The following RUBCN variants were observed in gnomAD, a reference collection of about 807,000 sequenced individuals.
RUBCN encodes run domain Beclin-1-interacting and cysteine-rich domain-containing protein.
A neutral mutation model predicts 113.2 loss-of-function variants in RUBCN; 74 were observed. That is an observed-to-expected ratio of 0.65 (90% CI 0.54 to 0.79). The LOEUF (loss-of-function observed/expected upper bound fraction) is 0.79. Among genes scored for constraint, RUBCN ranks in the 30% least tolerant of loss-of-function variants. The pLI, the probability that RUBCN is intolerant of heterozygous loss-of-function variation, is 0.00. For synonymous variants in RUBCN, 480 were observed against 490.0 expected, an observed-to-expected ratio of 0.98 and a Z score of 0.27; for missense variants, 1,109 against 1,251.7, an observed-to-expected ratio of 0.89 and a Z score of 1.72.
Position 197,695,766 on chromosome 3 carries a change from G to C in RUBCN, c.1473+100C>G, listed in dbSNP as rs1722931891. 9 of 1,070,116 alleles carry C rather than the reference G, an allele frequency of 8.4e-6. No homozygotes were observed. In the South Asian group the frequency reaches 1.1e-4, roughly 14 times the overall value. 66.3% of individuals were successfully genotyped at this position (1,070,116 alleles called of 1,614,324 possible). On this transcript the variant is annotated intron_variant, in intron 9 of 19. Transcript: ENST00000296343. Reference sequence around the variant, plus strand: ...CCTTTACCGTGAACTTATCTTTACTGTAATCTATACCCAAAACCTCATCAG... The same window carrying C: ...CCTTTACCGTGAACTTATCTTTACTCTAATCTATACCCAAAACCTCATCAG...
At chr3:197,692,990 C>G (rs1722593676) in intron 11 of RUBCN, among the ~76,000 whole-genome samples, 1 of 152,234 alleles carries the variant, frequency 6.6e-6, no homozygotes, top group Non-Finnish European at 1.5e-5. Flanking sequence ...CCATTCACTT[C>G]AGTAAGGAAA....
chr3:197,733,956 A>G (rs1031001185), intron 1 of RUBCN, among the ~76,000 whole-genome samples: 2 of 152,152 alleles, frequency 1.3e-5, no homozygotes, highest in African/African-American at 4.8e-5. Context: ...TAGGGTGAGT[A>G]TTAAAAGTAC....
At position 197,675,857 on chromosome 3, in the gene RUBCN, A is replaced by C. The variant is rs1419944170; in HGVS notation, c.2647-342T>G. Among the ~76,000 whole-genome samples the C allele has an allele frequency of 6.6e-6, 1 of 150,614 alleles. No homozygotes were observed. The highest frequency in any genetic ancestry group is 1.5e-5 in the Non-Finnish European group (1 of 67,332). Reference sequence around the variant, plus strand: ...TTATTTCAGAATAGGAACCACAAGCAATTAAGATAAAATGTGGAGACGAGG... The same window carrying C: ...TTATTTCAGAATAGGAACCACAAGCCATTAAGATAAAATGTGGAGACGAGG... On this transcript the variant is annotated intron_variant, in intron 18 of 19. Transcript: ENST00000296343. The surrounding 1 kb of genome is among the most constrained non-coding windows in gnomAD (Gnocchi z 4.4).
chr3:197,744,037 CT>C (rs1184912974), intron 1 of RUBCN, among the ~76,000 whole-genome samples: 1 of 151,014 alleles, frequency 6.6e-6, no homozygotes, highest in Non-Finnish European at 1.5e-5. Context: ...GTTATTATAC[CT>C]AATACATATT....
chr3:197,703,040 C>A (rs1247244395), intron 5 of RUBCN, among the ~76,000 whole-genome samples: 1 of 152,022 alleles, frequency 6.6e-6, no homozygotes, highest in Non-Finnish European at 1.5e-5. Flanking sequence ...ACTAAGCACA[C>A]GACCTAAGCC....
Position 197,693,801 on chromosome 3 carries a change from G to A in RUBCN, c.1700C>T (p.Ser567Phe), listed in dbSNP as rs555319774. 4 of 1,613,758 alleles carry A rather than the reference G, an allele frequency of 2.5e-6. No individual in the cohort carries two copies. In the East Asian group the frequency reaches 6.7e-5, roughly 27 times the overall value. ...EAEHGSFRVT[S>F]SSSQFSSRDS... ...ACGTGAGCTGAACTGGGAGCTGCTG[G>A]AGGTGACCCGAAAGCCTGTTATGTT... Residue 567 changes from serine to phenylalanine, a missense_variant, in exon 11 of 20, where the codon TCC becomes TTC. This residue lies in a region of RUBCN where 736 missense variants were observed against 779.6 expected (regional missense o/e 0.94). Coordinates refer to ENST00000296343, the MANE Select transcript of RUBCN (RefSeq NM_014687.4).
Position 197,718,013 on chromosome 3 carries a change from C to T in RUBCN, c.183G>A (p.Met61Ile), listed in dbSNP as rs377234121. The T allele has an allele frequency of 3.9e-5, 63 of 1,614,022 alleles. No homozygotes were observed. The Middle Eastern group carries it at 1.2e-3, about 30-fold the overall frequency. The change falls in exon 2 of 20, where the codon ATG (methionine) becomes ATA (isoleucine). Residue 61 changes from methionine to isoleucine, a missense_variant. Physicochemically the swap from Met to Ile is conservative, Grantham distance 10. Coordinates refer to ENST00000296343, the MANE Select transcript of RUBCN (RefSeq NM_014687.4). ...YGGLERLCRDMQSILYHGLIR... is the reference protein window; with the variant it reads ...YGGLERLCRDIQSILYHGLIR... ...TAAGCCCGTGATAGAGGATGCTCTGCATGTCCCTGCAAAGCCGCTCCAAGC... is the reference window on the plus strand; with the variant it reads ...TAAGCCCGTGATAGAGGATGCTCTGTATGTCCCTGCAAAGCCGCTCCAAGC...
chr3:197,721,277 C>T (rs896471470), intron 1 of RUBCN, among the ~76,000 whole-genome samples: 15 of 152,128 alleles, frequency 9.9e-5, no homozygotes, highest in Non-Finnish European at 5.9e-5. Context: ...ATTACCGATT[C>T]CATCTCATTA....
At chr3:197,687,896 CA>C (rs1722024946) in intron 11 of RUBCN, among the ~76,000 whole-genome samples, 1 of 152,206 alleles carries the variant, frequency 6.6e-6, no homozygotes, top group African/African-American at 2.4e-5. Flanking sequence ...CAGGGAACCC[CA>C]CCATCCAGCA....
rs1720481605 is a variant in RUBCN, at chr3:197,676,787, A to G, written c.2646+98T>C. On this transcript the variant is annotated intron_variant, in intron 18 of 19. Coordinates refer to ENST00000296343, the MANE Select transcript of RUBCN (RefSeq NM_014687.4). ...CTCCCAGTGCTGACTGGCCATTTCA[A>G]CTTCCTCAAGCTAAGTGGCAAGAAC... 6 of 1,599,964 alleles carry G rather than the reference A, an allele frequency of 3.8e-6. No homozygotes were observed. In the Admixed American group the frequency reaches 1.0e-4, roughly 27 times the overall value.
intron 3 of RUBCN, 74 bp from the exon 4 acceptor site, chr3:197,704,775 G>A: frequency 6.9e-7 from 1 of 1,442,510 alleles, no homozygotes; most frequent in Non-Finnish European, 9.7e-7. Context: ...AATGACCTGA[G>A]AACTAAATTG....
At chr3:197,723,903 T>C (rs1726443646) in intron 1 of RUBCN, among the ~76,000 whole-genome samples, 1 of 151,998 alleles carries the variant, frequency 6.6e-6, no homozygotes, top group Non-Finnish European at 1.5e-5. Flanking sequence ...GAGACCAACC[T>C]GACCAACATG....
In RUBCN at chr3:197,674,858, ACAC is replaced by A; in HGVS notation, c.*157_*159del. On this transcript the variant is annotated 3_prime_UTR_variant, in exon 20 of 20. Transcript: ENST00000296343. ...CATCAACCTGCCGACGGCTGACTGC[ACAC>A]AGACGTCAGACAAGTCAGTAAAAAA... is the stretch of plus-strand genomic sequence containing the variant. The A allele has an allele frequency of 1.6e-6, 1 of 619,614 alleles. No homozygotes were observed. Among genetic ancestry groups the A allele is most frequent in the South Asian group, 2.5e-5 (1 of 40,814 alleles). 38.4% of individuals were successfully genotyped at this position (619,614 alleles called of 1,614,324 possible).
chr3:197,699,150 A>T, intron 7 of RUBCN: 1 of 1,475,056 alleles, frequency 6.8e-7, no homozygotes, highest in Non-Finnish European at 9.3e-7. Context: ...TGGTCACAAA[A>T]CAGAACAAAG....
At chr3:197,706,063 T>A (rs1245205937) in intron 2 of RUBCN, among the ~76,000 whole-genome samples, 1 of 152,224 alleles carries the variant, frequency 6.6e-6, no homozygotes, top group Non-Finnish European at 1.5e-5. Flanking sequence ...TCTACCGTTC[T>A]GTTTTCTAAA....
At chr3:197,739,104 C>T (rs1728392299), upstream of RUBCN, among the ~76,000 whole-genome samples, 1 of 151,522 alleles carries the variant, frequency 6.6e-6, no homozygotes, top group Non-Finnish European at 1.5e-5. Flanking sequence ...CCACGCCCGG[C>T]TAATTTTGTA....
intron 2 of RUBCN, among the ~76,000 whole-genome samples, chr3:197,712,916 A>G (rs951999817): frequency 9.9e-5 from 15 of 150,918 alleles, no homozygotes; most frequent in African/African-American, 3.7e-4. Context: ...CTGGAGTGCA[A>G]TGGTGCAATC....
intron 1 of RUBCN, among the ~76,000 whole-genome samples, chr3:197,747,595 A>C (rs529951525): frequency 1.3e-5 from 2 of 152,210 alleles, no homozygotes; most frequent in African/African-American, 4.8e-5. Context: ...AAATACCTGA[A>C]GTACAAAATG....
chr3:197,703,270 C>T (rs1004879962), intron 5 of RUBCN, among the ~76,000 whole-genome samples: 12 of 151,368 alleles, frequency 7.9e-5, no homozygotes, highest in Admixed American at 3.3e-4. Flanking sequence ...TGGTGGCGGG[C>T]GCCTGTAATC....
Sources: gnomAD v4.1 joint callset for allele counts (sites outside exome capture counted in the v4.1 genomes callset) on GRCh38, gnomAD v4.1.1 for gene constraint, gnomAD v4.1.1 regional missense constraint, Gnocchi (gnomAD v3.1) non-coding constraint, MANE v1.5 for transcripts, NCBI Gene and HGNC (gene_info 2026-07-23, HGNC 2026-07-21) for gene names.